The following MED23 variants were observed in gnomAD, a reference collection of about 807,000 sequenced individuals.
MED23 encodes the protein mediator of RNA polymerase II transcription subunit 23.
A neutral mutation model predicts 163.9 loss-of-function variants in MED23; 105 were observed. The ratio of observed to expected loss-of-function variants is 0.64; its 90% confidence interval spans 0.55 to 0.75. The LOEUF (loss-of-function observed/expected upper bound fraction) is 0.75, where lower values mean the gene tolerates loss of function less well. Among genes scored for constraint, MED23 ranks in the 30% least tolerant of loss-of-function variants. The probability of loss-of-function intolerance (pLI) is 0.00; values close to 1 mark genes in which losing one functional copy is unlikely to be tolerated. For synonymous variants in MED23, 561 were observed against 565.6 expected, an observed-to-expected ratio of 0.99 and a Z score of 0.12; for missense variants, 1,054 against 1,649.0, an observed-to-expected ratio of 0.64 and a Z score of 6.25.
chr6:131,612,008 G>A (rs759791902), intron 10 of MED23, among the ~76,000 whole-genome samples: 6 of 152,030 alleles, frequency 3.9e-5, no homozygotes, highest in Non-Finnish European at 7.4e-5. Context: ...AAAATAGTAC[G>A]ATTTTGACAA....
At chr6:131,577,097 A>G (rs78635741) in intron 30 of MED23, among the ~76,000 whole-genome samples, 3,600 of 152,306 alleles carry the variant, frequency 0.024, 56 homozygotes, top group Non-Finnish European at 0.04. Context: ...TGTGAAATAA[A>G]ATAAAATAAA....
chr6:131,582,675 A>G (rs777462361), downstream of MED23: 5 of 1,613,698 alleles, frequency 3.1e-6, no homozygotes, highest in East Asian at 1.1e-4. Flanking sequence ...TGCCAAGGAT[A>G]TTGTGTATAT....
rs1196334587 is a variant in MED23, at chr6:131,590,357, T to G, written c.3772A>C (p.Arg1258=). The G allele has an allele frequency of 1.9e-6, 3 of 1,612,774 alleles. No individual in the cohort carries two copies. The East Asian group carries it at 6.7e-5, about 36-fold the overall frequency. Residue 1258 remains arginine, a synonymous_variant, in exon 27 of 29, where the codon AGA becomes CGA. Transcript: ENST00000368068. ...VYHLVGPFLQ[R]FQQERTRCMI... ...CAACGAGTTCTCTCTTGCTGAAATCTTTGTAAAAATGGTCCAACAAGATGG... is the reference window on the plus strand; with the variant it reads ...CAACGAGTTCTCTCTTGCTGAAATCGTTGTAAAAATGGTCCAACAAGATGG...
At chr6:131,592,325 T>C in intron 25 of MED23, 63 bp downstream of exon 25, 1 of 1,446,444 alleles carries the variant, frequency 6.9e-7, no homozygotes. Flanking sequence ...CTTTTTCTTT[T>C]TGCTGACATG....
At chr6:131,619,539 T>C (rs1351748722) in intron 8 of MED23, among the ~76,000 whole-genome samples, 4 of 151,876 alleles carry the variant, frequency 2.6e-5, no homozygotes, top group African/African-American at 7.3e-5. Context: ...AGAAATTCCA[T>C]GGTGCTTTAC....
At chr6:131,627,988 G>A in intron 1 of MED23, 23 bp downstream of exon 1, 3 of 1,613,880 alleles carry the variant, frequency 1.9e-6, no homozygotes, top group Non-Finnish European at 2.5e-6. Context: ...CCGTAGTCCT[G>A]GATGGCCGGC....
At chr6:131,582,803 T>C (rs1585425622), downstream of MED23, 1 of 1,128,320 alleles carries the variant, frequency 8.9e-7, no homozygotes, top group East Asian at 2.3e-5. Flanking sequence ...TGAGAGAAAA[T>C]TAAACATCAA....
chr6:131,627,167 T>A (rs188611972), intron 3 of MED23: 33 of 456,982 alleles, frequency 7.2e-5, no homozygotes, highest in Admixed American at 3.9e-4. Context: ...TTTTTTTTTT[T>A]AAACATCTCA....
At chr6:131,602,811 A>G (rs1441169242) in intron 16 of MED23, among the ~76,000 whole-genome samples, 4 of 152,152 alleles carry the variant, frequency 2.6e-5, no homozygotes, top group African/African-American at 9.7e-5. Flanking sequence ...CAGTCCAAAG[A>G]TCCTGAAGGA....
At position 131,591,632 on chromosome 6, in the gene MED23, C is replaced by T. The variant is rs1774644659; in HGVS notation, c.3472-105G>A. 2.1e-5 allele frequency: 19 copies of T among 894,098 alleles called. No homozygotes were observed. The South Asian group carries it at 2.4e-4, about 11-fold the overall frequency. 55.4% of individuals were successfully genotyped at this position (894,098 alleles called of 1,614,324 possible). A position where few individuals can be genotyped will look rare whatever the true frequency, so the allele number is the denominator to read the frequency against. ...TCATTCTTTAAAGTTTTCTATTTTTCCAGCTTCTGCACAATACAGCTGGGT... is the reference window on the plus strand; with the variant it reads ...TCATTCTTTAAAGTTTTCTATTTTTTCAGCTTCTGCACAATACAGCTGGGT... On this transcript the variant is annotated intron_variant, in intron 25 of 28. Transcript: ENST00000368068.
At chr6:131,577,038 G>C (rs949896831) in intron 30 of MED23, among the ~76,000 whole-genome samples, 5 of 152,134 alleles carry the variant, frequency 3.3e-5, no homozygotes, top group African/African-American at 1.2e-4. Context: ...ACAGCAAATG[G>C]AAGGCAAGGT....
At position 131,598,102 on chromosome 6, in the gene MED23, AAAAAAC is replaced by A. The variant is rs1350968420; in HGVS notation, c.2607+179_2607+184del. 1.4e-6 allele frequency: 1 copy of A among 701,738 alleles called. No homozygotes were observed. Among genetic ancestry groups the A allele is most frequent in the East Asian group, 2.7e-5 (1 of 37,040 alleles). 43.5% of individuals were successfully genotyped at this position (701,738 alleles called of 1,614,324 possible). A position where few individuals can be genotyped will look rare whatever the true frequency, so the allele number is the denominator to read the frequency against. ...GAGACCCTGTCTCAAAAAACAAACA[AAAAAAC>A]AAAAACAAACAAAAACAGAAATTGG... On this transcript the variant is annotated intron_variant, in intron 20 of 28. Transcript: ENST00000368068. The surrounding 1 kb of genome is among the most constrained non-coding windows in gnomAD (Gnocchi z 4.7).
intron 17 of MED23, among the ~76,000 whole-genome samples, chr6:131,601,014 C>G (rs1775434033): frequency 6.7e-6 from 1 of 148,754 alleles, no homozygotes; most frequent in South Asian, 2.1e-4. Context: ...GTGTGACTGA[C>G]TGAGCACTGA....
downstream of MED23, chr6:131,584,209 C>T (rs944253301): frequency 7.3e-5 from 27 of 368,506 alleles, no homozygotes; most frequent in African/African-American, 4.8e-4. Context: ...CTTACATAAG[C>T]CCCCATACAT....
rs750328611 is a variant in MED23 at position 131,620,667 on chromosome 6, C to T, written c.558G>A (p.Glu186=). ...TGCCTTCAGGATACAGTTTCCTGAT[C>T]TCAGTGACTGCAAAATAGGCTGGTA... ...CLLPAYFAVT[E]IRKLYPEGKL... The change falls in exon 7 of 29, where the codon GAG becomes GAA. Residue 186 remains glutamate, a synonymous_variant. Transcript: ENST00000368068. The T allele has an allele frequency of 1.2e-6, 2 of 1,613,446 alleles. No homozygotes were observed. Among genetic ancestry groups the T allele is most frequent in the South Asian group, 2.2e-5 (2 of 91,052 alleles).
At chr6:131,596,493 T>C in intron 21 of MED23, 25 bp downstream of exon 21, 3 of 1,613,166 alleles carry the variant, frequency 1.9e-6, no homozygotes, top group Admixed American at 1.7e-5. Context: ...AAAGGACTAT[T>C]TGAAATACCA....
intron 3 of MED23, among the ~76,000 whole-genome samples, chr6:131,626,721 A>C (rs867973195): frequency 1.3e-5 from 2 of 152,166 alleles, no homozygotes. Context: ...ACTAAACAAA[A>C]AGGTTAAAAC....
Position 131,594,214 on chromosome 6 carries a change from C to T in MED23, c.3117G>A (p.Pro1039=), listed in dbSNP as rs767368692. Residue 1039 remains proline (P), a synonymous_variant, in exon 23 of 29, where the codon CCG becomes CCA. Transcript: ENST00000368068. ...AAGTGTCACTTAGACACCAGCCCTG[C>T]GGTCGATTATCCTTCAGAGAGCCAA... The part of the protein sequence containing the change: ...AIIGSLKDNR[P]QGWCLSDTYL... 36 of 1,614,026 alleles carry T rather than the reference C, an allele frequency of 2.2e-5. No homozygotes were observed. The East Asian group carries it at 4.2e-4, about 19-fold the overall frequency.
chr6:131,583,808 C>T, downstream of MED23: 5 of 1,614,116 alleles, frequency 3.1e-6, no homozygotes, highest in Non-Finnish European at 3.4e-6. Context: ...GAAGAAGTAA[C>T]TCGAACAGTG....
Sources: gnomAD v4.1 joint callset for allele counts (sites outside exome capture counted in the v4.1 genomes callset) on GRCh38, gnomAD v4.1.1 for gene constraint, Gnocchi (gnomAD v3.1) non-coding constraint, MANE v1.5 for transcripts, NCBI Gene and HGNC (gene_info 2026-07-23, HGNC 2026-07-21) for gene names.